MCTP1: variants seen among roughly 807,000 people sequenced by gnomAD.
MCTP1 encodes multiple C2 and transmembrane domain-containing protein 1.
A neutral mutation model predicts 120.6 loss-of-function variants in MCTP1; 69 were observed. The ratio of observed to expected loss-of-function variants is 0.57; its 90% CI spans 0.47 to 0.70. The LOEUF (loss-of-function observed/expected upper bound fraction) is 0.70, where lower values mean the gene tolerates loss of function less well. MCTP1 is among the 30% of genes least tolerant of loss of function. The pLI is 0.00. For synonymous variants in MCTP1, 529 were observed against 493.1 expected, an observed-to-expected ratio of 1.07 and a Z score of -0.96; for missense variants, 1,203 against 1,248.8, an observed-to-expected ratio of 0.96 and a Z score of 0.55.
At chr5:95,126,019 T>TA (rs1210105381) in intron 1 of MCTP1, among the ~76,000 whole-genome samples, 9 of 152,286 alleles carry the variant, frequency 5.9e-5, no homozygotes, top group African/African-American at 1.4e-4. Context: ...CTTTGTTTTT[T>TA]AAAAAAAATT....
At chr5:94,970,151 T>C (rs1012006322) in intron 2 of MCTP1, among the ~76,000 whole-genome samples, 1 of 152,008 alleles carries the variant, frequency 6.6e-6, no homozygotes, top group Non-Finnish European at 1.5e-5. Flanking sequence ...GCACTAGGTA[T>C]ATTTATTTCC....
At chr5:95,200,687 A>G (rs971199044) in intron 1 of MCTP1, among the ~76,000 whole-genome samples, 1 of 152,234 alleles carries the variant, frequency 6.6e-6, no homozygotes, top group Non-Finnish European at 1.5e-5. Flanking sequence ...CAAAGGATAT[A>G]AAATTTCAGT....
rs1754086252 is a variant in MCTP1, at chr5:94,704,441, GAAT to G, written c.*3052_*3054del. 6.6e-6 allele frequency: 1 copy of G among 151,234 alleles called. No homozygotes were observed. The highest frequency in any genetic ancestry group is 1.5e-5 in the Non-Finnish European group (1 of 67,566). 9.4% of individuals were successfully genotyped at this position (151,234 alleles called of 1,614,324 possible). A position where few individuals can be genotyped will look rare whatever the true frequency, so the allele number is the denominator to read the frequency against. Reference sequence around the variant, plus strand: ...TTTATTCGCTGAAATTACTGCCTTTGAATAACATTAATACAAATGTAGACTACT... The same window carrying G: ...TTTATTCGCTGAAATTACTGCCTTTGAACATTAATACAAATGTAGACTACT... On this transcript the variant is annotated 3_prime_UTR_variant, in exon 23 of 23. Coordinates refer to ENST00000515393, the MANE Select transcript of MCTP1 (RefSeq NM_024717.7).
At chr5:94,958,783 C>T (rs1561927218) in intron 2 of MCTP1, among the ~76,000 whole-genome samples, 1 of 152,068 alleles carries the variant, frequency 6.6e-6, no homozygotes, top group Non-Finnish European at 1.5e-5. Context: ...AATTAGTAGC[C>T]TACCAACCAA....
intron 17 of MCTP1, among the ~76,000 whole-genome samples, chr5:94,813,347 C>T (rs1368491720): frequency 6.6e-6 from 1 of 152,130 alleles, no homozygotes; most frequent in Non-Finnish European, 1.5e-5. Flanking sequence ...GAAACCAGAA[C>T]CCTCGTATGT....
At chr5:95,094,459 G>A (rs1015253201) in intron 1 of MCTP1, among the ~76,000 whole-genome samples, 106 of 152,298 alleles carry the variant, frequency 7.0e-4, no homozygotes, top group African/African-American at 2.2e-3. Flanking sequence ...TGACTCATAA[G>A]ATGTAAATTC....
intron 1 of MCTP1, among the ~76,000 whole-genome samples, chr5:95,179,785 G>T (rs760079842): frequency 6.6e-6 from 1 of 151,980 alleles, no homozygotes; most frequent in South Asian, 2.1e-4. Context: ...AATAAACAAG[G>T]TATTCAGGCA....
chr5:95,165,789 C>T (rs1746264238), intron 1 of MCTP1, among the ~76,000 whole-genome samples: 1 of 152,196 alleles, frequency 6.6e-6, no homozygotes, highest in African/African-American at 2.4e-5. Context: ...GTCTTTGGAA[C>T]ATTCTGATTC....
intron 1 of MCTP1, among the ~76,000 whole-genome samples, chr5:95,255,425 T>C (rs1477622430): frequency 6.6e-6 from 1 of 152,202 alleles, no homozygotes; most frequent in Non-Finnish European, 1.5e-5. Flanking sequence ...GAATTCATTC[T>C]TTCATTTCCC....
At chr5:94,710,329 A>T (rs568827647) in intron 21 of MCTP1, 17 of 153,002 alleles carry the variant, frequency 1.1e-4, no homozygotes, top group African/African-American at 3.6e-4. Context: ...ACATAAAAGG[A>T]TCCTTTTGTT....
chr5:94,879,790 C>A (rs188198871), intron 12 of MCTP1, among the ~76,000 whole-genome samples: 2 of 152,056 alleles, frequency 1.3e-5, no homozygotes, highest in African/African-American at 2.4e-5. Flanking sequence ...GATCCCTGAA[C>A]GGGTCTTGGG....
At chr5:94,988,055 A>G (rs1411431033) in intron 2 of MCTP1, among the ~76,000 whole-genome samples, 3 of 152,058 alleles carry the variant, frequency 2.0e-5, no homozygotes, top group Non-Finnish European at 4.4e-5. Flanking sequence ...AATAGGTTCT[A>G]TGGAAGCAGA....
intron 1 of MCTP1, among the ~76,000 whole-genome samples, chr5:95,233,298 C>T (rs956589630): frequency 3.3e-5 from 5 of 151,538 alleles, no homozygotes; most frequent in African/African-American, 7.3e-5. Flanking sequence ...CTTGAAACTC[C>T]TGAATATTTA....
At position 95,177,466 on chromosome 5, in the gene MCTP1, C is replaced by T. The variant is rs1748132244; in HGVS notation, c.720+106390G>A. Reference sequence around the variant, plus strand: ...GGTAGAAAGCAAATATTCACATTTTCATTTAAGTCCCCAAGAGAATCACGG... The same window carrying T: ...GGTAGAAAGCAAATATTCACATTTTTATTTAAGTCCCCAAGAGAATCACGG... On this transcript the variant is annotated intron_variant, in intron 1 of 22. Coordinates refer to ENST00000515393, the MANE Select transcript of MCTP1 (RefSeq NM_024717.7). 3.3e-5 allele frequency among the ~76,000 whole-genome samples: 5 copies of T among 152,166 alleles called. No homozygotes were observed. The South Asian group carries it at 8.3e-4, about 25-fold the overall frequency.
chr5:94,792,406 G>T (rs1001263173), intron 18 of MCTP1: 1 of 152,314 alleles, frequency 6.6e-6, no homozygotes, highest in Non-Finnish European at 1.5e-5. Context: ...GAAGACAAAA[G>T]GGGTTGCCTT....
At chr5:94,769,585 G>T (rs998125076) in intron 19 of MCTP1, among the ~76,000 whole-genome samples, 3 of 151,978 alleles carry the variant, frequency 2.0e-5, no homozygotes, top group Non-Finnish European at 4.4e-5. Context: ...AAAAATTACA[G>T]AACTTCTTGT....
At chr5:95,078,564 A>G (rs1386871545) in intron 1 of MCTP1, among the ~76,000 whole-genome samples, 1 of 152,180 alleles carries the variant, frequency 6.6e-6, no homozygotes, top group Non-Finnish European at 1.5e-5. Flanking sequence ...GGGTTTCACT[A>G]AGAATAAGAA....
intron 1 of MCTP1, among the ~76,000 whole-genome samples, chr5:95,096,556 A>G (rs938849161): frequency 1.3e-5 from 2 of 152,146 alleles, no homozygotes; most frequent in African/African-American, 4.8e-5. Flanking sequence ...AGCAAGAGAA[A>G]GGGGAAAGCA....
chr5:95,241,363 G>A (rs1480913717), intron 1 of MCTP1, among the ~76,000 whole-genome samples: 1 of 152,086 alleles, frequency 6.6e-6, no homozygotes, highest in Non-Finnish European at 1.5e-5. Context: ...TCTAAAATGA[G>A]GATAATGCCA....
Sources: allele counts gnomAD v4.1 joint callset (sites outside exome capture counted in the v4.1 genomes callset), GRCh38; gene constraint gnomAD v4.1.1; transcripts MANE v1.5; gene names NCBI Gene and HGNC (gene_info 2026-07-23, HGNC 2026-07-21).